TFDP2: variants seen among roughly 807,000 people sequenced by gnomAD.
TFDP2 encodes the protein transcription factor Dp-2 (E2F dimerization partner 2).
TFDP2 carries 17 observed loss-of-function variants against 59.3 expected under a neutral mutation model. That is an observed-to-expected ratio of 0.29 (90% CI 0.20 to 0.43). The LOEUF is 0.43. Among genes scored for constraint, TFDP2 ranks in the 20% least tolerant of loss-of-function variants. The probability of loss-of-function intolerance (pLI) is 1.00; values close to 1 mark genes in which losing one functional copy is unlikely to be tolerated. For synonymous variants in TFDP2, 180 were observed against 194.7 expected, an observed-to-expected ratio of 0.92 and a Z score of 0.63; for missense variants, 391 against 528.8, an observed-to-expected ratio of 0.74 and a Z score of 2.56.
intron 10 of TFDP2, 79 bp from the exon 11 acceptor site, chr3:141,959,919 A>G (rs1002833936): frequency 6.4e-6 from 9 of 1,414,236 alleles, no homozygotes; most frequent in South Asian, 2.7e-5. Context: ...AGTTTAAGTA[A>G]CAGAATGGGG....
intron 6 of TFDP2, among the ~76,000 whole-genome samples, chr3:141,987,512 A>G (rs940722517): frequency 1.4e-5 from 2 of 145,212 alleles, no homozygotes; most frequent in African/African-American, 5.2e-5. Context: ...CGAACTCCTG[A>G]GCTCAGGCGA....
At chr3:142,050,471 G>A (rs1196089504) in intron 3 of TFDP2, among the ~76,000 whole-genome samples, 8 of 152,016 alleles carry the variant, frequency 5.3e-5, no homozygotes, top group Middle Eastern at 3.4e-3. Flanking sequence ...CGAGGCAGGC[G>A]GATCACAAGG....
chr3:142,148,012 C>A, intron 1 of TFDP2, among the ~76,000 whole-genome samples: 1 of 148,024 alleles, frequency 6.8e-6, no homozygotes. Context: ...ATGATTATGC[C>A]ATATAGAAAA....
At chr3:141,969,249 C>CATAT (rs58845907) in intron 9 of TFDP2, among the ~76,000 whole-genome samples, 5 of 95,560 alleles carry the variant, frequency 5.2e-5, no homozygotes, top group Admixed American at 1.3e-4. Context: ...ATATATATAA[C>CATAT]ATATATATAT....
intron 8 of TFDP2, among the ~76,000 whole-genome samples, chr3:141,972,008 A>G (rs1939835251): frequency 1.3e-5 from 2 of 152,216 alleles, no homozygotes; most frequent in African/African-American, 2.4e-5. Flanking sequence ...CAATCATCAA[A>G]TAAGACATTT....
intron 6 of TFDP2, among the ~76,000 whole-genome samples, chr3:141,981,571 T>C (rs769431633): frequency 3.9e-5 from 6 of 152,226 alleles, no homozygotes; most frequent in Non-Finnish European, 8.8e-5. Context: ...TCCCTTGTGA[T>C]AGTATAGGAC....
chr3:141,967,739 G>T (rs1381871117), intron 9 of TFDP2, among the ~76,000 whole-genome samples: 1 of 152,090 alleles, frequency 6.6e-6, no homozygotes, highest in Non-Finnish European at 1.5e-5. Context: ...CAAATATTTG[G>T]TTTGAGAGAC....
Position 141,952,367 on chromosome 3 carries a change from G to T in TFDP2, c.*146C>A. ...TCATCTCAATCATCTCAGCCTTCATGTGATTTGCTTATTGTGTTTCTCTAG... is the reference window on the plus strand; with the variant it reads ...TCATCTCAATCATCTCAGCCTTCATTTGATTTGCTTATTGTGTTTCTCTAG... On this transcript the variant is annotated 3_prime_UTR_variant, in exon 13 of 13. Coordinates refer to ENST00000489671, the MANE Select transcript of TFDP2 (RefSeq NM_001178139.2). 1.4e-6 allele frequency: 1 copy of T among 695,636 alleles called. No individual in the cohort carries two copies. Among genetic ancestry groups the T allele is most frequent in the Non-Finnish European group, 2.2e-6 (1 of 448,880 alleles). The allele number at this position is 695,636 out of a possible 1,614,324, so 43.1% of individuals were successfully genotyped here. A position where few individuals can be genotyped will look rare whatever the true frequency, so the allele number is the denominator to read the frequency against.
At chr3:142,117,000 C>T (rs2108684997) in intron 1 of TFDP2, among the ~76,000 whole-genome samples, 1 of 152,148 alleles carries the variant, frequency 6.6e-6, no homozygotes, top group Non-Finnish European at 1.5e-5. Context: ...TGGCTCACTG[C>T]AACCTTAGCC....
chr3:142,104,549 A>C lies in TFDP2; in HGVS notation c.-92-2708T>G, dbSNP rs145348771. On this transcript the variant is annotated intron_variant, in intron 1 of 12. Transcript: ENST00000489671. ...AGATTATGGTCTCTGACTACAATGC[A>C]ATTAAATTAGGAATCAACTATTTTT... is the stretch of plus-strand genomic sequence containing the variant. Among the ~76,000 whole-genome samples, 109 of 152,304 alleles carry C rather than the reference A, an allele frequency of 7.2e-4. 1 individual carries two copies. In the East Asian group the frequency reaches 0.02, roughly 28 times the overall value.
intron 1 of TFDP2, among the ~76,000 whole-genome samples, chr3:142,106,895 G>A (rs1274287192): frequency 6.6e-6 from 1 of 152,132 alleles, no homozygotes; most frequent in African/African-American, 2.4e-5. Flanking sequence ...ATACAAGGAA[G>A]AAAGCACAAA....
At chr3:141,974,606 G>A (rs143583722) in intron 7 of TFDP2, among the ~76,000 whole-genome samples, 1 of 152,100 alleles carries the variant, frequency 6.6e-6, no homozygotes, top group African/African-American at 2.4e-5. Flanking sequence ...ATGCCTTATG[G>A]AGTCTAGAAT....
chr3:142,138,492 T>A (rs1400227446), intron 1 of TFDP2, among the ~76,000 whole-genome samples: 1 of 152,220 alleles, frequency 6.6e-6, no homozygotes, highest in Non-Finnish European at 1.5e-5. Flanking sequence ...TTTCCTGCTT[T>A]CTCTTGTGGG....
intron 3 of TFDP2, among the ~76,000 whole-genome samples, chr3:142,082,551 A>G (rs1262853797): frequency 6.6e-6 from 1 of 152,148 alleles, no homozygotes; most frequent in Non-Finnish European, 1.5e-5. Context: ...TGCCAAAACC[A>G]GACAAAGAAA....
At position 142,101,794 on chromosome 3, in the gene TFDP2, A is replaced by G. The variant is rs1576987021; in HGVS notation, c.-45T>C. On this transcript the variant is annotated 5_prime_UTR_variant, in exon 2 of 13. Coordinates refer to ENST00000489671, the MANE Select transcript of TFDP2 (RefSeq NM_001178139.2). ...AAGATTCTGTAAAGCCATTAAAAAA[A>G]TAAAAAGAAAAAAACCTTCGTCTTC... 1 of 1,224,070 alleles carries G rather than the reference A, an allele frequency of 8.2e-7. No homozygotes were observed. Among genetic ancestry groups the G allele is most frequent in the East Asian group, 2.6e-5 (1 of 37,996 alleles). 75.8% of individuals were successfully genotyped at this position (1,224,070 alleles called of 1,614,324 possible).
At chr3:142,057,827 C>T (rs539346148) in intron 3 of TFDP2, among the ~76,000 whole-genome samples, 158 of 152,246 alleles carry the variant, frequency 1.0e-3, no homozygotes, top group Non-Finnish European at 1.6e-3. Flanking sequence ...CCACGGTGCC[C>T]GGATTCAGTT....
chr3:142,114,091 G>A (rs1168111235), intron 1 of TFDP2, among the ~76,000 whole-genome samples: 1 of 152,148 alleles, frequency 6.6e-6, no homozygotes, highest in Middle Eastern at 3.4e-3. Context: ...CGTGAACCCG[G>A]GAGGTGGAGC....
At chr3:142,038,794 A>G (rs934313717) in intron 3 of TFDP2, among the ~76,000 whole-genome samples, 1 of 152,180 alleles carries the variant, frequency 6.6e-6, no homozygotes, top group Non-Finnish European at 1.5e-5. Context: ...GAACTTAACA[A>G]ATTGTTTAAC....
At chr3:141,961,434 G>T (rs1185506432) in intron 10 of TFDP2, among the ~76,000 whole-genome samples, 1 of 151,672 alleles carries the variant, frequency 6.6e-6, no homozygotes, top group Non-Finnish European at 1.5e-5. Flanking sequence ...AGTAGAAATG[G>T]GGGTTTTACC....
Sources: allele counts gnomAD v4.1 joint callset (sites outside exome capture counted in the v4.1 genomes callset), GRCh38; gene constraint gnomAD v4.1.1; transcripts MANE v1.5; gene names NCBI Gene and HGNC (gene_info 2026-07-23, HGNC 2026-07-21).